Variants in CNTN4 observed in about 807,000 individuals in gnomAD.
CNTN4 encodes contactin 4.
In CNTN4, 77 loss-of-function variants were observed where a neutral mutation model predicts 122.5. The ratio of observed to expected loss-of-function variants is 0.63; its 90% CI spans 0.52 to 0.76. The LOEUF (loss-of-function observed/expected upper bound fraction) is 0.76. Ranked by LOEUF, CNTN4 falls within the 30% of genes least tolerant of loss-of-function variation. The pLI is 0.00. For missense variants in CNTN4, 1,256 were observed against 1,259.1 expected, an observed-to-expected ratio of 1.00 and a Z score of 0.04; for synonymous variants, 512 against 447.0, an observed-to-expected ratio of 1.15 and a Z score of -1.83.
intron 3 of CNTN4, among the ~76,000 whole-genome samples, chr3:2,364,948 T>C (rs2150578320): frequency 6.6e-6 from 1 of 152,340 alleles, no homozygotes; most frequent in East Asian, 1.9e-4. Flanking sequence ...TGGCTTTGTA[T>C]TGGAGACATT....
chr3:2,742,978 C>A (rs575732222), intron 5 of CNTN4, among the ~76,000 whole-genome samples: 1 of 152,224 alleles, frequency 6.6e-6, no homozygotes, highest in East Asian at 1.9e-4. Flanking sequence ...TAAATAATCC[C>A]TTTTCGTTTG....
At chr3:2,231,833 G>A (rs2039499255) in intron 2 of CNTN4, among the ~76,000 whole-genome samples, 1 of 152,074 alleles carries the variant, frequency 6.6e-6, no homozygotes, top group African/African-American at 2.4e-5. Flanking sequence ...ATTATGTCCT[G>A]ATAAAAATAT....
intron 4 of CNTN4, among the ~76,000 whole-genome samples, chr3:2,638,030 T>C (rs2082740900): frequency 1.3e-5 from 2 of 152,226 alleles, no homozygotes. Flanking sequence ...TAGAGGTAGA[T>C]AAATGATAGG....
At chr3:2,504,154 T>A in intron 3 of CNTN4, among the ~76,000 whole-genome samples, 1 of 152,152 alleles carries the variant, frequency 6.6e-6, no homozygotes, top group East Asian at 1.9e-4. Context: ...AAGTTGAAAG[T>A]GACCCTAATC....
At chr3:2,476,315 T>A (rs1392336793) in intron 3 of CNTN4, among the ~76,000 whole-genome samples, 1 of 152,166 alleles carries the variant, frequency 6.6e-6, no homozygotes, top group African/African-American at 2.4e-5. Flanking sequence ...TTTTGGCGTT[T>A]CCACTGCAGG....
intron 16 of CNTN4, among the ~76,000 whole-genome samples, chr3:3,032,180 C>T (rs1699222716): frequency 6.6e-6 from 1 of 152,084 alleles, no homozygotes. Context: ...GTAGATCTGC[C>T]CACAGAATAA....
intron 3 of CNTN4, among the ~76,000 whole-genome samples, chr3:2,552,298 G>A (rs1322532499): frequency 6.6e-6 from 1 of 152,180 alleles, no homozygotes; most frequent in Admixed American, 6.5e-5. Context: ...GTAGATTAGG[G>A]AAAATTCCAG....
intron 4 of CNTN4, among the ~76,000 whole-genome samples, chr3:2,610,645 A>C (rs948086060): frequency 1.3e-5 from 2 of 152,182 alleles, no homozygotes; most frequent in African/African-American, 4.8e-5. Flanking sequence ...TATCACAGTA[A>C]ATTCTAGGTA....
At chr3:2,521,147 T>C (rs2077197973) in intron 3 of CNTN4, among the ~76,000 whole-genome samples, 1 of 152,256 alleles carries the variant, frequency 6.6e-6, no homozygotes, top group Admixed American at 6.5e-5. Flanking sequence ...TGATCTCATA[T>C]AGGCCATATG....
At position 2,906,196 on chromosome 3, in the gene CNTN4, G is replaced by A. The variant is rs73114629; in HGVS notation, c.1207+3191G>A. ...GGGTCGGGGGAATCGGCGGGGGAGGGTTGGGAAGATGTCGTTCAAAGAATA... is the reference window on the plus strand; with the variant it reads ...GGGTCGGGGGAATCGGCGGGGGAGGATTGGGAAGATGTCGTTCAAAGAATA... On this transcript the variant is annotated intron_variant, in intron 12 of 24. Transcript: ENST00000418658. 1.5e-3 allele frequency among the ~76,000 whole-genome samples: 235 copies of A among 152,092 alleles called. 1 individual carries two copies. Among genetic ancestry groups the A allele is most frequent in the African/African-American group, 5.4e-3 (226 of 41,480 alleles).
At chr3:2,519,202 G>C (rs1273413382) in intron 3 of CNTN4, among the ~76,000 whole-genome samples, 1 of 152,140 alleles carries the variant, frequency 6.6e-6, no homozygotes, top group Non-Finnish European at 1.5e-5. Flanking sequence ...AGTGTCTTTA[G>C]CTCAAAATAA....
At chr3:2,943,309 A>C (rs1174575705) in intron 13 of CNTN4, among the ~76,000 whole-genome samples, 2 of 152,180 alleles carry the variant, frequency 1.3e-5, no homozygotes, top group African/African-American at 4.8e-5. Flanking sequence ...CTGAATAGCT[A>C]AATCGAAAGC....
intron 7 of CNTN4, among the ~76,000 whole-genome samples, chr3:2,857,038 A>C (rs2093625336): frequency 6.6e-6 from 1 of 152,158 alleles, no homozygotes; most frequent in South Asian, 2.1e-4. Flanking sequence ...ACGGTGAGAC[A>C]AAAAACCTCT....
At chr3:2,181,009 A>G (rs1296419562) in intron 2 of CNTN4, among the ~76,000 whole-genome samples, 4 of 152,108 alleles carry the variant, frequency 2.6e-5, no homozygotes, top group Non-Finnish European at 4.4e-5. Context: ...TTTCTTATTG[A>G]GGACAACTAC....
intron 2 of CNTN4, among the ~76,000 whole-genome samples, chr3:2,160,012 G>A (rs374132824): frequency 1.3e-5 from 2 of 151,968 alleles, no homozygotes; most frequent in East Asian, 3.9e-4. Context: ...TTTCCTCTCT[G>A]TCTTCCTAAT....
At chr3:2,840,756 A>C (rs2093349082) in intron 7 of CNTN4, among the ~76,000 whole-genome samples, 1 of 152,012 alleles carries the variant, frequency 6.6e-6, no homozygotes, top group South Asian at 2.1e-4. Flanking sequence ...TTTTTAAAAA[A>C]TGTTTAGTCT....
At chr3:2,199,948 G>T (rs1336964708) in intron 2 of CNTN4, among the ~76,000 whole-genome samples, 1 of 152,170 alleles carries the variant, frequency 6.6e-6, no homozygotes, top group Non-Finnish European at 1.5e-5. Flanking sequence ...TCATTGTGAT[G>T]AGTATGTTGG....
rs142413154 is a variant in CNTN4 at position 2,300,641 on chromosome 3, G to C, written c.-144-38537G>C. Among the ~76,000 whole-genome samples the C allele has an allele frequency of 2.4e-3, 325 of 136,056 alleles. 2 individuals are homozygous for C. Among genetic ancestry groups the C allele is most frequent in the Admixed American group, 4.3e-3 (50 of 11,702 alleles). 89.3% of individuals were successfully genotyped at this position (136,056 alleles called of 152,430 possible). A position where few individuals can be genotyped will look rare whatever the true frequency, so the allele number is the denominator to read the frequency against. On this transcript the variant is annotated intron_variant, in intron 2 of 24. Coordinates refer to ENST00000418658, the MANE Select transcript of CNTN4 (RefSeq NM_175607.3). Reference sequence around the variant, plus strand: ...GGCTGGAGTGCAGTGGCACAGTCTCGGCTCACTGCAACCTCTGCCTCCCGG... The same window carrying C: ...GGCTGGAGTGCAGTGGCACAGTCTCCGCTCACTGCAACCTCTGCCTCCCGG...
intron 6 of CNTN4, among the ~76,000 whole-genome samples, chr3:2,779,391 G>T (rs1237112802): frequency 2.0e-5 from 3 of 152,148 alleles, no homozygotes; most frequent in African/African-American, 7.2e-5. Flanking sequence ...TAGAGGCTGG[G>T]TTTCACCATG....
Sources: allele counts gnomAD v4.1 joint callset (sites outside exome capture counted in the v4.1 genomes callset), GRCh38; gene constraint gnomAD v4.1.1; transcripts MANE v1.5; gene names NCBI Gene and HGNC (gene_info 2026-07-23, HGNC 2026-07-21).